The following PCDH15 variants were observed in gnomAD, a reference collection of about 807,000 sequenced individuals.
PCDH15 encodes protocadherin-15.
In PCDH15, 129 loss-of-function variants were observed where a neutral mutation model predicts 178.5. That is an observed-to-expected ratio of 0.72 (90% confidence interval 0.63 to 0.84). PCDH15 has a LOEUF of 0.84. PCDH15 is among the 40% of genes least tolerant of loss of function. The pLI is 0.00. For synonymous variants in PCDH15, 800 were observed against 732.0 expected (o/e 1.09, Z -1.50); for missense variants, 2,230 against 2,099.9 (o/e 1.06, Z -1.21).
At chr10:54,647,362 A>C (rs941783357) in intron 2 of PCDH15, among the ~76,000 whole-genome samples, 2 of 152,060 alleles carry the variant, frequency 1.3e-5, no homozygotes, top group African/African-American at 4.8e-5. Context: ...CAGGGGTTGG[A>C]GAGTGGGAGA....
chr10:54,520,653 T>C (rs1395319651), intron 3 of PCDH15, among the ~76,000 whole-genome samples: 5 of 151,940 alleles, frequency 3.3e-5, no homozygotes, highest in Admixed American at 3.3e-4. Context: ...GAAGTCAGTG[T>C]GGCGATTCCT....
intron 2 of PCDH15, among the ~76,000 whole-genome samples, chr10:54,582,654 C>T (rs1335586051): frequency 6.6e-6 from 1 of 152,008 alleles, no homozygotes; most frequent in Non-Finnish European, 1.5e-5. Flanking sequence ...GTCTCACTCC[C>T]GTAATCACAA....
At chr10:55,352,467 A>C (rs918785781) in intron 2 of PCDH15, among the ~76,000 whole-genome samples, 1 of 152,170 alleles carries the variant, frequency 6.6e-6, no homozygotes, top group African/African-American at 2.4e-5. Flanking sequence ...TGAGGAACAT[A>C]GTGGCCAGCC....
intron 27 of PCDH15, among the ~76,000 whole-genome samples, chr10:53,863,286 A>T (rs1157771284): frequency 1.3e-5 from 2 of 152,118 alleles, no homozygotes; most frequent in African/African-American, 4.8e-5. Context: ...CCTCAATACT[A>T]CAAGGTCAGG....
At chr10:54,785,850 A>T (rs779404361) in intron 1 of PCDH15, among the ~76,000 whole-genome samples, 4 of 151,960 alleles carry the variant, frequency 2.6e-5, no homozygotes, top group African/African-American at 9.6e-5. Flanking sequence ...CTTCATCACC[A>T]TCTAGAGATG....
chr10:54,424,123 G>T (rs1442569978), intron 3 of PCDH15, among the ~76,000 whole-genome samples: 3 of 151,816 alleles, frequency 2.0e-5, no homozygotes, highest in Non-Finnish European at 2.9e-5. Flanking sequence ...ATCTGACAAA[G>T]GGCTAATATC....
intron 2 of PCDH15, among the ~76,000 whole-genome samples, chr10:55,368,054 G>A (rs1320704139): frequency 6.6e-6 from 1 of 151,892 alleles, no homozygotes; most frequent in African/African-American, 2.4e-5. Flanking sequence ...TATCAATTAT[G>A]ACTTATAATA....
intron 27 of PCDH15, among the ~76,000 whole-genome samples, chr10:53,857,737 A>C (rs2078849611): frequency 6.6e-6 from 1 of 152,106 alleles, no homozygotes; most frequent in Non-Finnish European, 1.5e-5. Flanking sequence ...TTGTCTATTT[A>C]ACCAACTTTA....
intron 27 of PCDH15, among the ~76,000 whole-genome samples, chr10:53,859,273 C>T (rs753068251): frequency 2.6e-5 from 4 of 152,152 alleles, no homozygotes; most frequent in Non-Finnish European, 5.9e-5. Flanking sequence ...TGCTGAAGCA[C>T]TTCCTAATTC....
At chr10:55,122,303 G>T (rs1837791571) in intron 2 of PCDH15, among the ~76,000 whole-genome samples, 1 of 152,144 alleles carries the variant, frequency 6.6e-6, no homozygotes, top group African/African-American at 2.4e-5. Flanking sequence ...TGTTGTGAAA[G>T]ATAAGTGTAA....
chr10:54,514,667 CA>C (rs5785078), intron 3 of PCDH15, among the ~76,000 whole-genome samples: 60,032 of 124,256 alleles, frequency 0.48, 12,047 homozygotes, highest in East Asian at 0.54. Context: ...AAATAGACTT[CA>C]AAAAAAAAAA....
intron 3 of PCDH15, among the ~76,000 whole-genome samples, chr10:54,863,548 A>G (rs552254131): frequency 2.2e-4 from 34 of 152,166 alleles, no homozygotes; most frequent in Non-Finnish European, 4.4e-4. Context: ...TCTCAAAATA[A>G]TATATATATT....
intron 2 of PCDH15, among the ~76,000 whole-genome samples, chr10:54,609,893 A>T (rs2092905313): frequency 6.6e-6 from 1 of 152,022 alleles, no homozygotes; most frequent in Non-Finnish European, 1.5e-5. Context: ...TATTGGTTTA[A>T]CACTTTATAT....
At chr10:54,734,608 T>C (rs975590530) in intron 1 of PCDH15, among the ~76,000 whole-genome samples, 1 of 152,008 alleles carries the variant, frequency 6.6e-6, no homozygotes, top group African/African-American at 2.4e-5. Flanking sequence ...TGCAAATGGC[T>C]ATATTGCCCT....
chr10:55,211,536 A>G (rs1175580017), intron 1 of PCDH15, among the ~76,000 whole-genome samples: 3 of 152,110 alleles, frequency 2.0e-5, no homozygotes, highest in Non-Finnish European at 2.9e-5. Flanking sequence ...CTAACAGTTC[A>G]ATACTGATTA....
chr10:55,551,233 G>A (rs1034187818), intron 2 of PCDH15, among the ~76,000 whole-genome samples: 2 of 151,904 alleles, frequency 1.3e-5, no homozygotes, highest in East Asian at 3.9e-4. Context: ...ATCTGTAGTA[G>A]GTAGTAGTTT....
At chr10:55,068,761 T>C (rs1841634246) in intron 2 of PCDH15, among the ~76,000 whole-genome samples, 1 of 133,598 alleles carries the variant, frequency 7.5e-6, no homozygotes, top group South Asian at 2.6e-4. Flanking sequence ...CTTCACTTTC[T>C]TTCATCATTG....
At chr10:55,372,027 A>G (rs1845519086) in intron 2 of PCDH15, among the ~76,000 whole-genome samples, 1 of 152,236 alleles carries the variant, frequency 6.6e-6, no homozygotes, top group African/African-American at 2.4e-5. Context: ...GGAAGCATAG[A>G]AATTTAGATA....
intron 2 of PCDH15, among the ~76,000 whole-genome samples, chr10:55,530,203 C>A (rs899343803): frequency 1.3e-4 from 19 of 151,856 alleles, no homozygotes. Context: ...TTGAGCAGAA[C>A]CCCTGTATTT....
Sources: allele counts gnomAD v4.1 joint callset (sites outside exome capture counted in the v4.1 genomes callset), GRCh38; gene constraint gnomAD v4.1.1; transcripts MANE v1.5; gene names NCBI Gene and HGNC (gene_info 2026-07-23, HGNC 2026-07-21).